Variants in ADARB2 observed in about 807,000 individuals in gnomAD.
ADARB2 encodes the protein adenosine deaminase RNA specific B2 (inactive).
A neutral mutation model predicts 62.2 loss-of-function variants in ADARB2; 25 were observed. The ratio of observed to expected loss-of-function variants is 0.40; its 90% CI spans 0.29 to 0.56. The LOEUF is 0.56. Among genes scored for constraint, ADARB2 ranks in the 20% least tolerant of loss-of-function variants. The pLI is 0.43. For missense variants in ADARB2, 1,071 were observed against 1,077.4 expected, an observed-to-expected ratio of 0.99 and a Z score of 0.08; for synonymous variants, 572 against 500.8, an observed-to-expected ratio of 1.14 and a Z score of -1.90.
At chr10:1,469,188 T>C (rs1831292277) in intron 1 of ADARB2, among the ~76,000 whole-genome samples, 1 of 152,132 alleles carries the variant, frequency 6.6e-6, no homozygotes, top group African/African-American at 2.4e-5. Flanking sequence ...GGGTTTAATG[T>C]GGATGTTTCT....
chr10:1,634,764 A>G (rs1833892730), intron 1 of ADARB2, among the ~76,000 whole-genome samples: 1 of 152,258 alleles, frequency 6.6e-6, no homozygotes, highest in African/African-American at 2.4e-5. Context: ...AATTCAATTC[A>G]TTACCAGAAC....
At chr10:1,347,367 T>C (rs573913472) in intron 3 of ADARB2, among the ~76,000 whole-genome samples, 31 of 152,188 alleles carry the variant, frequency 2.0e-4, no homozygotes, top group Admixed American at 5.2e-4. Flanking sequence ...CATCTGCCCG[T>C]TTCATTCTCC....
intron 1 of ADARB2, among the ~76,000 whole-genome samples, chr10:1,456,006 C>G (rs927667639): frequency 6.6e-6 from 1 of 152,178 alleles, no homozygotes; most frequent in African/African-American, 2.4e-5. Context: ...AAAAGTTTCA[C>G]TTATAATAGC....
intron 6 of ADARB2, among the ~76,000 whole-genome samples, chr10:1,230,131 C>T (rs545439203): frequency 1.3e-5 from 2 of 152,068 alleles, no homozygotes; most frequent in East Asian, 3.9e-4. Context: ...CCTCTGGCCC[C>T]CAGCAAAGGT....
chr10:1,281,460 T>C (rs965670563), intron 3 of ADARB2, among the ~76,000 whole-genome samples: 3 of 152,274 alleles, frequency 2.0e-5, no homozygotes, highest in African/African-American at 7.2e-5. Context: ...GCTTATATGC[T>C]TTGTGCTGGT....
rs1409908324 is a variant in ADARB2 at position 1,649,293 on chromosome 10, T to C, written c.100+87758A>G. On this transcript the variant is annotated intron_variant, in intron 1 of 9. Transcript: ENST00000381312. ...TTTGAAATCGTATCATAAATTGGAA[T>C]CAGGGAATTTGAAGGGAATTTTCAA... 2.6e-5 allele frequency among the ~76,000 whole-genome samples: 4 copies of C among 152,358 alleles called. No individual in the cohort carries two copies. The South Asian group carries it at 8.3e-4, about 32-fold the overall frequency.
intron 1 of ADARB2, among the ~76,000 whole-genome samples, chr10:1,677,984 C>CT (rs1272860053): frequency 8.5e-5 from 13 of 152,336 alleles, no homozygotes; most frequent in African/African-American, 3.1e-4. Flanking sequence ...TACAAGCATG[C>CT]TTTTTCCTCC....
Position 1,178,496 on chromosome 10 carries a change from C to CAG in ADARB2, c.*4695_*4696dup, listed in dbSNP as rs1179790923. The stretch of plus-strand genomic sequence containing the variant: ...TGGGAGAAGTTTGACGGGTCACCAG[C>CAG]AGCCCAGTGTTTCCAGAAACAGCCC... On this transcript the variant is annotated 3_prime_UTR_variant, in exon 10 of 10. Coordinates refer to ENST00000381312, the MANE Select transcript of ADARB2 (RefSeq NM_018702.4). 1 of 152,342 alleles carries CAG rather than the reference C, an allele frequency of 6.6e-6. No homozygotes were observed. The highest frequency in any genetic ancestry group is 1.5e-5 in the Non-Finnish European group (1 of 68,126). The allele number at this position is 152,342 out of a possible 1,614,324, so 9.4% of individuals were successfully genotyped here.
intron 1 of ADARB2, among the ~76,000 whole-genome samples, chr10:1,427,789 G>C (rs1026658611): frequency 2.6e-5 from 4 of 152,160 alleles, no homozygotes; most frequent in African/African-American, 9.7e-5. Flanking sequence ...GTTTATAGCA[G>C]CTTTATTTAT....
chr10:1,679,732 C>T (rs940168970), intron 1 of ADARB2, among the ~76,000 whole-genome samples: 16 of 152,160 alleles, frequency 1.1e-4, no homozygotes, highest in African/African-American at 3.4e-4. Flanking sequence ...GCGTCTAAGC[C>T]ACTGTGCCAC....
chr10:1,507,718 C>T (rs1433442080), intron 1 of ADARB2, among the ~76,000 whole-genome samples: 3 of 152,162 alleles, frequency 2.0e-5, no homozygotes, highest in African/African-American at 4.8e-5. Context: ...GAAGGGGTTT[C>T]CCCCGCTTGT....
intron 1 of ADARB2, among the ~76,000 whole-genome samples, chr10:1,510,091 C>CTTT (rs1831905538): frequency 4.9e-5 from 7 of 141,558 alleles, no homozygotes; most frequent in African/African-American, 1.3e-4. Context: ...TTCTCTCTCT[C>CTTT]TCTCTTTTCT....
rs540852041 is a variant in ADARB2, at chr10:1,201,526, G to A, written c.1683-1379C>T. 7.1e-4 allele frequency among the ~76,000 whole-genome samples: 108 copies of A among 152,116 alleles called. 1 individual carries two copies. Among genetic ancestry groups the A allele is most frequent in the Admixed American group, 2.4e-3 (36 of 15,250 alleles). ...GAGCTTCTACCAGAGGGGTGAGGTC[G>A]GGCGCTCTGAAGGGTAGGATGAGAT... On this transcript the variant is annotated intron_variant, in intron 7 of 9. Coordinates refer to ENST00000381312, the MANE Select transcript of ADARB2 (RefSeq NM_018702.4).
chr10:1,185,471 C>T (rs564809634), intron 8 of ADARB2, among the ~76,000 whole-genome samples: 6 of 151,252 alleles, frequency 4.0e-5, no homozygotes, highest in African/African-American at 1.2e-4. Flanking sequence ...CTGGCTCCCT[C>T]GGGTTTACAG....
chr10:1,396,713 G>C (rs375464920), intron 1 of ADARB2, among the ~76,000 whole-genome samples: 39 of 69,792 alleles, frequency 5.6e-4, no homozygotes, highest in Admixed American at 1.4e-3. Context: ...CTCCCGAGCG[G>C]AGGCTTCCTG....
intron 3 of ADARB2, among the ~76,000 whole-genome samples, chr10:1,359,427 T>G (rs1424548800): frequency 6.6e-6 from 1 of 152,178 alleles, no homozygotes; most frequent in Non-Finnish European, 1.5e-5. Context: ...CACCCCCGGG[T>G]GCAGGAAATA....
chr10:1,677,642 T>C (rs1248483250), intron 1 of ADARB2, among the ~76,000 whole-genome samples: 1 of 152,216 alleles, frequency 6.6e-6, no homozygotes, highest in Non-Finnish European at 1.5e-5. Context: ...AAGGCGGCTG[T>C]CTACCTGTTG....
At chr10:1,674,381 C>T (rs1273133423) in intron 1 of ADARB2, among the ~76,000 whole-genome samples, 1 of 152,150 alleles carries the variant, frequency 6.6e-6, no homozygotes, top group East Asian at 1.9e-4. Flanking sequence ...GCTTCCTGGA[C>T]TTCCTTGGTC....
rs572269383 is a variant in ADARB2 at position 1,180,471 on chromosome 10, C to G, written c.*2722G>C. On this transcript the variant is annotated 3_prime_UTR_variant, in exon 10 of 10. Transcript: ENST00000381312. The stretch of plus-strand genomic sequence containing the variant: ...TGGGAATCCTGGGACCTGGCCCCTT[C>G]GGGCACTCCTGGCACTGTGGAATCC... The G allele has an allele frequency of 6.6e-6, 1 of 152,652 alleles. No individual in the cohort carries two copies. Among genetic ancestry groups the G allele is most frequent in the Admixed American group, 6.5e-5 (1 of 15,292 alleles). 9.5% of individuals were successfully genotyped at this position (152,652 alleles called of 1,614,324 possible). A position where few individuals can be genotyped will look rare whatever the true frequency, so the allele number is the denominator to read the frequency against.
Sources: allele counts gnomAD v4.1 joint callset (sites outside exome capture counted in the v4.1 genomes callset), GRCh38; gene constraint gnomAD v4.1.1; transcripts MANE v1.5; gene names NCBI Gene and HGNC (gene_info 2026-07-23, HGNC 2026-07-21).